Variants in EPB41L5 observed in about 807,000 individuals in gnomAD.
EPB41L5 encodes band 4.1-like protein 5.
EPB41L5 carries 55 observed loss-of-function variants against 106.6 expected under a neutral mutation model. The observed-to-expected ratio is 0.52, with a 90% CI of 0.42 to 0.65. EPB41L5 has a LOEUF of 0.65. Among genes scored for constraint, EPB41L5 ranks in the 30% least tolerant of loss-of-function variants. The probability of loss-of-function intolerance (pLI) is 0.00; values close to 1 mark genes in which losing one functional copy is unlikely to be tolerated. For missense variants in EPB41L5, 871 were observed against 882.1 expected (o/e 0.99, Z 0.16); for synonymous variants, 297 against 306.7 (o/e 0.97, Z 0.33).
intron 14 of EPB41L5, among the ~76,000 whole-genome samples, chr2:120,094,464 G>C (rs1196206327): frequency 7.9e-6 from 1 of 125,926 alleles, no homozygotes. Context: ...TTAGTATTTT[G>C]AGTTTTTTTT....
chr2:120,159,423 CAA>C (rs36001495), intron 20 of EPB41L5, among the ~76,000 whole-genome samples: 54,872 of 94,602 alleles, frequency 0.58, 13,076 homozygotes, highest in Middle Eastern at 0.71. Flanking sequence ...GACTCCATCT[CAA>C]AAAAAAAAAA....
At chr2:120,061,104 G>A (rs1298777210) in intron 3 of EPB41L5, among the ~76,000 whole-genome samples, 1 of 140,174 alleles carries the variant, frequency 7.1e-6, no homozygotes. Flanking sequence ...GCAGTGGTGT[G>A]ATCTCAGCTT....
intron 18 of EPB41L5, among the ~76,000 whole-genome samples, chr2:120,139,690 G>A (rs1330311666): frequency 1.3e-5 from 2 of 151,990 alleles, no homozygotes; most frequent in African/African-American, 2.4e-5. Context: ...GAATGCTGAC[G>A]AGGATGTGGA....
intron 16 of EPB41L5, among the ~76,000 whole-genome samples, chr2:120,103,136 A>C (rs1274245697): frequency 6.6e-6 from 1 of 152,228 alleles, no homozygotes; most frequent in Non-Finnish European, 1.5e-5. Flanking sequence ...TGGTTGAGTT[A>C]GAAAGATAAC....
At chr2:120,087,109 T>C in intron 10 of EPB41L5, 62 bp from the exon 11 acceptor site, 1 of 1,060,690 alleles carries the variant, frequency 9.4e-7, no homozygotes, top group Non-Finnish European at 1.4e-6. Context: ...TAAAAACAAT[T>C]TTTTTCATAT....
chr2:120,082,092 A>T (rs1283513329), intron 10 of EPB41L5, among the ~76,000 whole-genome samples: 1 of 152,168 alleles, frequency 6.6e-6, no homozygotes, highest in Non-Finnish European at 1.5e-5. Context: ...CTAATTGAAT[A>T]GCCTTTATTT....
At chr2:120,112,450 C>G (rs910511037) in intron 16 of EPB41L5, among the ~76,000 whole-genome samples, 28 of 152,174 alleles carry the variant, frequency 1.8e-4, no homozygotes, top group Admixed American at 1.2e-3. Context: ...AGTCAAAATA[C>G]TGTTCTTGGC....
chr2:120,112,019 A>G (rs1190217940), intron 16 of EPB41L5, among the ~76,000 whole-genome samples: 2 of 152,090 alleles, frequency 1.3e-5, no homozygotes, highest in Non-Finnish European at 2.9e-5. Flanking sequence ...CGGCACCATC[A>G]GGTTTCTTAT....
intron 11 of EPB41L5, 117 bp from the exon 12 acceptor site, chr2:120,090,230 C>T: frequency 1.3e-6 from 1 of 778,362 alleles, no homozygotes; most frequent in South Asian, 2.8e-5. Context: ...TAAAGAGTGT[C>T]TGAATTTCAG....
At chr2:120,055,481 ATTT>A (rs34856540) in intron 3 of EPB41L5, among the ~76,000 whole-genome samples, 1 of 85,542 alleles carries the variant, frequency 1.2e-5, no homozygotes, top group Non-Finnish European at 2.2e-5. Flanking sequence ...TAGGTTTTTA[ATTT>A]TTTTTTTTTT....
intron 3 of EPB41L5, among the ~76,000 whole-genome samples, chr2:120,053,254 T>G (rs1050812303): frequency 6.6e-6 from 1 of 152,096 alleles, no homozygotes; most frequent in African/African-American, 2.4e-5. Context: ...GTAGGAAGCT[T>G]AAAGAGAAGA....
chr2:120,151,776 C>T (rs975445577), intron 20 of EPB41L5, among the ~76,000 whole-genome samples: 1 of 151,770 alleles, frequency 6.6e-6, no homozygotes, highest in Non-Finnish European at 1.5e-5. Flanking sequence ...GCCACCATGC[C>T]CAGCTAATTT....
intron 20 of EPB41L5, among the ~76,000 whole-genome samples, chr2:120,156,861 G>T (rs1157603951): frequency 6.6e-6 from 1 of 152,180 alleles, no homozygotes; most frequent in Non-Finnish European, 1.5e-5. Flanking sequence ...ACAGCCCACT[G>T]ATAGTATTAG....
intron 11 of EPB41L5, among the ~76,000 whole-genome samples, chr2:120,087,849 A>G (rs957853403): frequency 1.3e-5 from 2 of 152,208 alleles, no homozygotes; most frequent in Non-Finnish European, 2.9e-5. Context: ...AGCCTTTTGA[A>G]TTAAAGATTA....
chr2:120,070,404 A>T (rs1681779020), intron 3 of EPB41L5, among the ~76,000 whole-genome samples: 1 of 152,216 alleles, frequency 6.6e-6, no homozygotes, highest in African/African-American at 2.4e-5. Flanking sequence ...CCAGAGGTAC[A>T]AAGAGGAGCT....
chr2:120,044,558 A>G (rs1454738121), intron 3 of EPB41L5, among the ~76,000 whole-genome samples: 1 of 152,202 alleles, frequency 6.6e-6, no homozygotes, highest in Non-Finnish European at 1.5e-5. Context: ...AAAAGAAAGT[A>G]AAAGTATGCC....
intron 7 of EPB41L5, 99 bp from the exon 8 acceptor site, chr2:120,076,872 T>G: frequency 8.7e-7 from 1 of 1,155,002 alleles, no homozygotes; most frequent in African/African-American, 1.6e-5. Flanking sequence ...TGTAAGAAAT[T>G]CCTAAGAATC....
At chr2:120,139,222 A>C (rs891527911) in intron 18 of EPB41L5, among the ~76,000 whole-genome samples, 1 of 152,064 alleles carries the variant, frequency 6.6e-6, no homozygotes, top group Non-Finnish European at 1.5e-5. Context: ...CTATGAAACC[A>C]CTAAAAGAAA....
intron 16 of EPB41L5, among the ~76,000 whole-genome samples, chr2:120,126,401 T>G (rs1001927440): frequency 2.0e-5 from 3 of 152,204 alleles, no homozygotes; most frequent in African/African-American, 4.8e-5. Flanking sequence ...ATTTTTTTCT[T>G]CTATATTTGT....
Sources: gnomAD v4.1 joint callset for allele counts (sites outside exome capture counted in the v4.1 genomes callset) on GRCh38, gnomAD v4.1.1 for gene constraint, MANE v1.5 for transcripts, NCBI Gene and HGNC (gene_info 2026-07-23, HGNC 2026-07-21) for gene names.